The following ATP8B3 variants were observed in gnomAD, a reference collection of about 807,000 sequenced individuals.
The protein encoded by ATP8B3 is ATPase phospholipid transporting 8B3, also known as phospholipid-transporting ATPase IK.
Under a neutral mutation model 140.9 loss-of-function variants are expected in ATP8B3, and 141 were observed. The observed-to-expected ratio is 1.00, with a 90% CI of 0.87 to 1.15. ATP8B3 has a LOEUF of 1.15. Ranked by LOEUF, ATP8B3 falls within the 50% of genes most tolerant of loss-of-function variation. The pLI is 0.00. For synonymous variants in ATP8B3, 765 were observed against 714.6 expected (o/e 1.07, Z -1.13); for missense variants, 1,874 against 1,740.6 (o/e 1.08, Z -1.36).
chr19:1,785,420 C>A, intron 26 of ATP8B3, 49 bp downstream of exon 26: 2 of 1,590,968 alleles, frequency 1.3e-6, no homozygotes, highest in South Asian at 1.1e-5. Context: ...GGGGAGGAGG[C>A]CTCCATAGGC....
At chr19:1,796,340 G>A (rs766255755) in intron 16 of ATP8B3, 75 bp from the exon 17 acceptor site, 15 of 1,326,162 alleles carry the variant, frequency 1.1e-5, no homozygotes, top group Middle Eastern at 5.2e-4. Flanking sequence ...GGAGGAGATG[G>A]GTATCGCCTG....
At chr19:1,792,230 C>T (rs1568630157) in intron 18 of ATP8B3, 95 bp from the exon 19 acceptor site, 1 of 1,379,674 alleles carries the variant, frequency 7.2e-7, no homozygotes, top group East Asian at 2.5e-5. Context: ...GAGCCTGGGT[C>T]CCCCAACCAA....
intron 26 of ATP8B3, 73 bp downstream of exon 26, chr19:1,785,396 A>G: frequency 6.4e-7 from 1 of 1,569,604 alleles, no homozygotes; most frequent in Non-Finnish European, 8.6e-7. Context: ...ATGCCCCCAA[A>G]GCAGGGGTCC....
chr19:1,806,464 G>C lies in ATP8B3; in HGVS notation c.677+164C>G. On this transcript the variant is annotated intron_variant, in intron 7 of 28. Transcript: ENST00000310127. This position sits in a 1 kb window ranked among gnomAD's most constrained non-coding sequence, Gnocchi z 5.6. The stretch of plus-strand genomic sequence containing the variant: ...CATCAGGGCCTCGGCCTCTGTCCTC[G>C]TCCCGGCCAAACGCCTAATGAATGC... 1.4e-6 allele frequency: 2 copies of C among 1,464,246 alleles called. No homozygotes were observed. Among genetic ancestry groups the C allele is most frequent in the South Asian group, 2.8e-5 (2 of 71,116 alleles). The allele number at this position is 1,464,246 out of a possible 1,614,324, so 90.7% of individuals were successfully genotyped here. A position where few individuals can be genotyped will look rare whatever the true frequency, so the allele number is the denominator to read the frequency against.
Position 1,807,772 on chromosome 19 carries a change from G to C in ATP8B3, c.516+450C>G, listed in dbSNP as rs1235839750. ...TGAGAGTGTTTGCTCTGAAAACAGCGCCCCTGGCCGGATGCCGGCCCCACG... is the reference window on the plus strand; with the variant it reads ...TGAGAGTGTTTGCTCTGAAAACAGCCCCCCTGGCCGGATGCCGGCCCCACG... On this transcript the variant is annotated intron_variant, in intron 5 of 28. Transcript: ENST00000310127. This position sits in a 1 kb window ranked among gnomAD's most constrained non-coding sequence, Gnocchi z 5.9. Among the ~76,000 whole-genome samples the C allele has an allele frequency of 6.6e-6, 1 of 152,286 alleles. No individual in the cohort carries two copies.
intron 2 of ATP8B3, 44 bp from the exon 3 acceptor site, chr19:1,810,727 C>A: frequency 1.3e-6 from 2 of 1,579,712 alleles, no homozygotes; most frequent in Non-Finnish European, 1.7e-6. Flanking sequence ...GACCCCAGCC[C>A]TTGCTGGGCA....
rs185537106 is a variant in ATP8B3, at chr19:1,808,743, C to T, written c.403-408G>A. ...CCCAAGAGGATTTCAGGTAGGGCCG[C>T]GATGGACACATTGTACTTTCAGGTT... On this transcript the variant is annotated intron_variant, in intron 4 of 28. Coordinates refer to ENST00000310127, the MANE Select transcript of ATP8B3 (RefSeq NM_138813.4). Among the ~76,000 whole-genome samples, 11 of 152,298 alleles carry T rather than the reference C, an allele frequency of 7.2e-5. No homozygotes were observed. The East Asian group carries it at 1.7e-3, about 24-fold the overall frequency.
chr19:1,789,120 G>T lies in ATP8B3; in HGVS notation c.2846C>A (p.Thr949Asn). The part of the protein sequence containing the change: ...DGANDINMIK[T>N]ADVGVGLAGQ... ...CGCCAGCCCCACGCCCACGTCCGCG[G>T]CTGCAGGGCACAAGCAGCTGGTCAG... Residue 949 changes from threonine to asparagine, a missense_variant and splice_region_variant, in exon 24 of 29, where the codon ACC (threonine) becomes AAC (asparagine). This residue lies in a region of ATP8B3 where 840 missense variants were observed against 760.9 expected (regional missense o/e 1.10). Coordinates refer to ENST00000310127, the MANE Select transcript of ATP8B3 (RefSeq NM_138813.4). The T allele has an allele frequency of 6.3e-7, 1 of 1,577,462 alleles. No homozygotes were observed. Among genetic ancestry groups the T allele is most frequent in the South Asian group, 1.1e-5 (1 of 87,050 alleles).
In ATP8B3 at chr19:1,809,670, G is replaced by T; in HGVS notation, c.375C>A (p.Ile125=). ...TGTATTTCTTCCTTTGCCAGCACAGGATCACCTTCTCCTTGAACTGCCCGT... is the reference window on the plus strand; with the variant it reads ...TGTATTTCTTCCTTTGCCAGCACAGTATCACCTTCTCCTTGAACTGCCCGT... The part of the protein sequence containing the change: ...AYNGQFKEKV[I]LCWQRKKYKT... Residue 125 remains isoleucine, a synonymous_variant, in exon 4 of 29, where the codon ATC becomes ATA. Transcript: ENST00000310127. 6.2e-7 allele frequency: 1 copy of T among 1,610,848 alleles called. No homozygotes were observed. Among genetic ancestry groups the T allele is most frequent in the Non-Finnish European group, 8.5e-7 (1 of 1,178,868 alleles).
intron 28 of ATP8B3, 110 bp from the exon 29 acceptor site, chr19:1,783,380 T>C: frequency 7.3e-7 from 1 of 1,372,984 alleles, no homozygotes; most frequent in Non-Finnish European, 9.8e-7. Flanking sequence ...CACTATTGAT[T>C]GGCTACGTTC....
chr19:1,792,513 G>A (rs532717228), intron 18 of ATP8B3, among the ~76,000 whole-genome samples: 1 of 151,506 alleles, frequency 6.6e-6, no homozygotes, highest in East Asian at 1.9e-4. Flanking sequence ...TTGGGAGGCG[G>A]AGGTTGCAGC....
chr19:1,787,409 G>A (rs2068339411), intron 24 of ATP8B3, among the ~76,000 whole-genome samples: 1 of 152,106 alleles, frequency 6.6e-6, no homozygotes, highest in South Asian at 2.1e-4. Context: ...GCACCTCTGA[G>A]TTTTTGTTTT....
At position 1,789,063 on chromosome 19, in the gene ATP8B3, C is replaced by G. The variant is rs1308566689; in HGVS notation, c.2903G>C (p.Ser968Thr). 3 of 1,598,078 alleles carry G rather than the reference C, an allele frequency of 1.9e-6. No homozygotes were observed. The highest frequency in any genetic ancestry group is 2.6e-6 in the Non-Finnish European group (3 of 1,174,794). The change falls in exon 24 of 29, where the codon AGC (serine) becomes ACC (threonine). Residue 968 changes from serine (S) to threonine (T), a missense_variant. This residue lies in a region of ATP8B3 where 840 missense variants were observed against 760.9 expected (regional missense o/e 1.10). Transcript: ENST00000310127. ...GCAGAACTGGCCGAGCACGAAGTCG[C>G]TGTTCTGAACTGCCTGCATGCCCTC... Reference protein sequence around the residue: ...GQEGMQAVQNSDFVLGQFCFL... With the variant: ...GQEGMQAVQNTDFVLGQFCFL...
chr19:1,789,348 C>T lies in ATP8B3; in HGVS notation c.2845+13G>A. The T allele has an allele frequency of 6.7e-7, 1 of 1,502,582 alleles. No homozygotes were observed. 93.1% of individuals were successfully genotyped at this position (1,502,582 alleles called of 1,614,324 possible). ...TCGTCCCAGGCACCCCCAGCCCCGC[C>T]GCCGCCACCCACTCTTGATCATGTT... On this transcript the variant is annotated intron_variant, in intron 23 of 28. Coordinates refer to ENST00000310127, the MANE Select transcript of ATP8B3 (RefSeq NM_138813.4).
At chr19:1,795,176 G>T (rs1017301155) in intron 18 of ATP8B3, among the ~76,000 whole-genome samples, 1 of 152,024 alleles carries the variant, frequency 6.6e-6, no homozygotes, top group African/African-American at 2.4e-5. Context: ...GATAGCTTAA[G>T]CCTGGGAGGC....
chr19:1,806,280 C>G lies in ATP8B3; in HGVS notation c.678-111G>C. On this transcript the variant is annotated intron_variant, in intron 7 of 28. Transcript: ENST00000310127. This position sits in a 1 kb window ranked among gnomAD's most constrained non-coding sequence, Gnocchi z 5.6. The stretch of plus-strand genomic sequence containing the variant: ...GGCCCGCAGCTGCAGTCCCCACCTC[C>G]GGGCCTTTGCCCCCTCAGGAAGCCT... The G allele has an allele frequency of 1.3e-6, 2 of 1,507,772 alleles. No individual in the cohort carries two copies. The highest frequency in any genetic ancestry group is 2.5e-5 in the South Asian group (2 of 78,760). The allele number at this position is 1,507,772 out of a possible 1,614,324, so 93.4% of individuals were successfully genotyped here.
chr19:1,782,905 A>G lies in ATP8B3; in HGVS notation c.*123T>C. 1 of 1,312,350 alleles carries G rather than the reference A, an allele frequency of 7.6e-7. No individual in the cohort carries two copies. Among genetic ancestry groups the G allele is most frequent in the Non-Finnish European group, 1.0e-6 (1 of 969,692 alleles). 81.3% of individuals were successfully genotyped at this position (1,312,350 alleles called of 1,614,324 possible). ...GGGCAGGTTGGTTTTCTGGATGAAGAGCGGATTGTCTATCCATAGAAAATG... is the reference window on the plus strand; with the variant it reads ...GGGCAGGTTGGTTTTCTGGATGAAGGGCGGATTGTCTATCCATAGAAAATG... On this transcript the variant is annotated 3_prime_UTR_variant, in exon 29 of 29. Transcript: ENST00000310127.
chr19:1,790,100 C>A, intron 21 of ATP8B3, 111 bp from the exon 22 acceptor site: 3 of 736,758 alleles, frequency 4.1e-6, no homozygotes, highest in South Asian at 3.3e-5. Context: ...CCCACCCCTG[C>A]CCCTTCTCCT....
chr19:1,808,277 TA>T lies in ATP8B3; in HGVS notation c.460del (p.Tyr154ThrfsTer69). On this transcript the variant is annotated frameshift_variant, in exon 5 of 29. Coordinates refer to ENST00000310127, the MANE Select transcript of ATP8B3 (RefSeq NM_138813.4). LOFTEE classifies it high-confidence loss of function. ...GTTGGACACGCGGTGGAACTGCTCG[TA>T]CAGGTTCAGCGGCAGGAACGAGTAG... ...NFYSFLPLNL[Y>X]EQFHRVSNLF... 1 of 1,613,214 alleles carries T rather than the reference TA, an allele frequency of 6.2e-7. No individual in the cohort carries two copies. The highest frequency in any genetic ancestry group is 1.7e-4 in the Middle Eastern group (1 of 6,060).
Sources: gnomAD v4.1 joint callset for allele counts (sites outside exome capture counted in the v4.1 genomes callset) on GRCh38, gnomAD v4.1.1 for gene constraint, gnomAD v4.1.1 regional missense constraint, Gnocchi (gnomAD v3.1) non-coding constraint, MANE v1.5 for transcripts, NCBI Gene and HGNC (gene_info 2026-07-23, HGNC 2026-07-21) for gene names.